Variants in PLCH2 observed in about 807,000 individuals in gnomAD.
PLCH2 encodes 1-phosphatidylinositol 4,5-bisphosphate phosphodiesterase eta-2.
Under a neutral mutation model 134.7 loss-of-function variants are expected in PLCH2, and 98 were observed. That is an observed-to-expected ratio of 0.73 (90% CI 0.62 to 0.86). PLCH2 has a LOEUF of 0.86. PLCH2 is among the 40% of genes least tolerant of loss of function. The probability of loss-of-function intolerance (pLI) is 0.00; values close to 1 mark genes in which losing one functional copy is unlikely to be tolerated. For synonymous variants in PLCH2, 974 were observed against 827.5 expected (o/e 1.18, Z -3.04); for missense variants, 1,994 against 1,986.6 (o/e 1.00, Z -0.07).
intron 21 of PLCH2, chr1:2,503,079 G>A: frequency 1.4e-6 from 1 of 702,348 alleles, no homozygotes; most frequent in Non-Finnish European, 2.6e-6. Context: ...CTTGCCTGTG[G>A]CCCATAGCCC....
upstream of PLCH2, among the ~76,000 whole-genome samples, chr1:2,425,254 CAT>C (rs1638733332): frequency 1.4e-5 from 2 of 147,002 alleles, no homozygotes; most frequent in South Asian, 4.2e-4. Context: ...GTAACACACA[CAT>C]ACATACACAC....
chr1:2,417,155 G>T, the PLCH2 span, among the ~76,000 whole-genome samples: 1 of 152,232 alleles, frequency 6.6e-6, no homozygotes, highest in Non-Finnish European at 1.5e-5. Flanking sequence ...TGGGATTGGG[G>T]AGGGGTGCTG....
In PLCH2 at chr1:2,496,690, A is replaced by T. The variant is rs1278166973; in HGVS notation, c.1919A>T (p.Asp640Val). ...VKYTKSVATH[D>V]IEMEAASSWQ... Reference sequence around the variant, plus strand: ...TACACCAAGTCCGTGGCCACCCACGACATAGAGATGGAGGGTGAGTGGCTC... The same window carrying T: ...TACACCAAGTCCGTGGCCACCCACGTCATAGAGATGGAGGGTGAGTGGCTC... Residue 640 changes from aspartate (D) to valine (V), a missense_variant, in exon 14 of 22, where the codon GAC becomes GTC. Coordinates refer to ENST00000378486, the MANE Select transcript of PLCH2 (RefSeq NM_014638.4). 6.2e-7 allele frequency: 1 copy of T among 1,611,752 alleles called. No individual in the cohort carries two copies. Among genetic ancestry groups the T allele is most frequent in the Non-Finnish European group, 8.5e-7 (1 of 1,179,366 alleles).
chr1:2,480,291 G>A lies in PLCH2; in HGVS notation c.624G>A (p.Gln208=). 1 of 1,612,650 alleles carries A rather than the reference G, an allele frequency of 6.2e-7. No individual in the cohort carries two copies. Among genetic ancestry groups the A allele is most frequent in the Non-Finnish European group, 8.5e-7 (1 of 1,179,798 alleles). ...LHKLNVNLPR[Q]RVKQMFREAD... ...AGCTCAACGTGAACCTGCCCCGGCA[G>A]AGGGTGAAGCAGATGTTCAGGGTGA... The change falls in exon 4 of 22, where the codon CAG becomes CAA. Residue 208 remains glutamine (Q), a synonymous_variant. Coordinates refer to ENST00000378486, the MANE Select transcript of PLCH2 (RefSeq NM_014638.4).
At chr1:2,473,923 A>G (rs1356993689), upstream of PLCH2, among the ~76,000 whole-genome samples, 1 of 152,210 alleles carries the variant, frequency 6.6e-6, no homozygotes, top group Non-Finnish European at 1.5e-5. Context: ...CTCCCACATC[A>G]GGTGTCCTGG....
intron 1 of PLCH2, 147 bp from the exon 2 acceptor site, chr1:2,478,329 G>A (rs1025414767): frequency 2.9e-5 from 28 of 967,420 alleles, no homozygotes; most frequent in Admixed American, 1.1e-4. Context: ...CGGTGTGGGC[G>A]GGGCCGGGCG....
At chr1:2,495,598 C>A in intron 13 of PLCH2, 28 bp downstream of exon 13, 1 of 1,495,868 alleles carries the variant, frequency 6.7e-7, no homozygotes. Context: ...CGGGGAGGCC[C>A]CGCACACTCC....
In PLCH2 at chr1:2,504,175, C is replaced by T; in HGVS notation, c.3213C>T (p.Ala1071=). 6.5e-7 allele frequency: 1 copy of T among 1,536,994 alleles called. No individual in the cohort carries two copies. The highest frequency in any genetic ancestry group is 8.7e-7 in the Non-Finnish European group (1 of 1,142,900). ...GCGCCGGCGGGGCATACGAGAGGGC[C>T]CCCGGCAGCCAGACGGACGGCAGGA... is the stretch of plus-strand genomic sequence containing the variant. ...GEGAGGAYER[A]PGSQTDGRSQ... The change falls in exon 22 of 22, where the codon GCC becomes GCT. Residue 1071 remains alanine (A), a synonymous_variant. Transcript: ENST00000378486.
intron 2 of PLCH2, among the ~76,000 whole-genome samples, chr1:2,457,221 G>A (rs1640539296): frequency 6.6e-6 from 1 of 152,176 alleles, no homozygotes; most frequent in South Asian, 2.1e-4. Flanking sequence ...CCGTCCATCA[G>A]CAAGGACAGG....
chr1:2,504,882 C>G lies in PLCH2; in HGVS notation c.3920C>G (p.Thr1307Ser). 6.3e-7 allele frequency: 1 copy of G among 1,591,602 alleles called. No homozygotes were observed. The highest frequency in any genetic ancestry group is 8.6e-7 in the Non-Finnish European group (1 of 1,168,728). Residue 1307 changes from threonine (T) to serine (S), a missense_variant, in exon 22 of 22, where the codon ACT becomes AGT. Transcript: ENST00000378486. The part of the protein sequence containing the change: ...DTLTEQLRWL[T>S]VFQQAGDITS... ...CTGACAGAGCAGCTGCGCTGGCTCA[C>G]TGTCTTCCAGCAGGCAGGAGACATC...
intron 2 of PLCH2, chr1:2,479,015 C>G (rs1308841865): frequency 2.3e-5 from 5 of 218,884 alleles, no homozygotes; most frequent in Non-Finnish European, 9.2e-6. Flanking sequence ...AGCCACTGGG[C>G]ATGGCTGCTG....
At chr1:2,472,533 GCCCTGGGATGCGGCTGC>G (rs1396337173), upstream of PLCH2, among the ~76,000 whole-genome samples, 1 of 152,158 alleles carries the variant, frequency 6.6e-6, no homozygotes, top group East Asian at 1.9e-4. Context: ...TGCTCTCCTA[GCCCTGGGATGCGGCTGC>G]CTCAGGGACT....
At position 2,504,972 on chromosome 1, in the gene PLCH2, G is replaced by T; in HGVS notation, c.4010G>T (p.Arg1337Leu). The T allele has an allele frequency of 1.3e-6, 2 of 1,551,612 alleles. No homozygotes were observed. The highest frequency in any genetic ancestry group is 2.4e-5 in the East Asian group (1 of 41,748). The change falls in exon 22 of 22, where the codon CGC (arginine) becomes CTC (leucine). Residue 1337 changes from arginine to leucine, a missense_variant. Transcript: ENST00000378486. ...GVAGGPGFVR[R>L]SSSRSHSRVR... ...GCAGGGGGCCCTGGTTTTGTGCGGC[G>T]CTCCTCCTCCCGCAGCCACAGCCGC...
In PLCH2 at chr1:2,476,674, G is replaced by GT. The variant is rs747039001; in HGVS notation, c.87dup (p.Val30CysfsTer72). On this transcript the variant is annotated frameshift_variant, in exon 1 of 22. Coordinates refer to ENST00000378486, the MANE Select transcript of PLCH2 (RefSeq NM_014638.4). LOFTEE classifies it high-confidence loss of function. ...GAGGTACTCCTCTGGGTTGGAGGGA[G>GT]TGTGGTGCTGTCTTCAGAGTGGCAG... is the stretch of plus-strand genomic sequence containing the variant. The GT allele has an allele frequency of 2.5e-6, 4 of 1,610,862 alleles. No homozygotes were observed. The highest frequency in any genetic ancestry group is 2.5e-6 in the Non-Finnish European group (3 of 1,179,188).
chr1:2,465,219 G>A (rs1165831702), upstream of PLCH2, among the ~76,000 whole-genome samples: 1 of 152,202 alleles, frequency 6.6e-6, no homozygotes, highest in South Asian at 2.1e-4. Context: ...TGAACCCAAG[G>A]AGAGATCCAG....
intron 2 of PLCH2, among the ~76,000 whole-genome samples, chr1:2,450,549 A>G (rs1457949134): frequency 2.7e-4 from 5 of 18,388 alleles, no homozygotes; most frequent in African/African-American, 7.5e-4. Flanking sequence ...TTGCCCCCCA[A>G]TTCCCCACCT....
intron 21 of PLCH2, 79 bp from the exon 22 acceptor site, chr1:2,503,843 T>A: frequency 1.5e-6 from 1 of 646,354 alleles, no homozygotes; most frequent in Non-Finnish European, 2.8e-6. Context: ...ATCCGACTCC[T>A]CTCCGCCTCT....
At chr1:2,458,607 G>A (rs774707885) in intron 2 of PLCH2, among the ~76,000 whole-genome samples, 4 of 152,138 alleles carry the variant, frequency 2.6e-5, no homozygotes, top group Non-Finnish European at 5.9e-5. Context: ...CTGGGGAGAA[G>A]CTGGGCTCCA....
At chr1:2,441,854 C>A (rs1429974848) in intron 2 of PLCH2, among the ~76,000 whole-genome samples, 2 of 152,172 alleles carry the variant, frequency 1.3e-5, no homozygotes, top group Non-Finnish European at 2.9e-5. Context: ...AAGGCAGCCA[C>A]ACCTCAGGGC....
Sources: gnomAD v4.1 joint callset for allele counts (sites outside exome capture counted in the v4.1 genomes callset) on GRCh38, gnomAD v4.1.1 for gene constraint, MANE v1.5 for transcripts, NCBI Gene and HGNC (gene_info 2026-07-23, HGNC 2026-07-21) for gene names.